The following DLGAP1 variants were observed in gnomAD, a reference collection of about 807,000 sequenced individuals.
The protein encoded by DLGAP1 is disks large-associated protein 1.
In DLGAP1, 11 loss-of-function variants were observed where a neutral mutation model predicts 90.8. The observed-to-expected ratio is 0.12, with a 90% confidence interval of 0.08 to 0.20. DLGAP1 has a LOEUF of 0.20. DLGAP1 is among the 10% of genes least tolerant of loss of function. The pLI, the probability that DLGAP1 is intolerant of heterozygous loss-of-function variation, is 1.00. For synonymous variants in DLGAP1, 558 were observed against 540.7 expected (o/e 1.03, Z -0.44); for missense variants, 1,050 against 1,333.8 (o/e 0.79, Z 3.31).
At chr18:3,991,463 G>A (rs2073966486) in intron 3 of DLGAP1, among the ~76,000 whole-genome samples, 1 of 152,224 alleles carries the variant, frequency 6.6e-6, no homozygotes, top group Admixed American at 6.5e-5. Context: ...ATTGGCCAGT[G>A]GCAGTGGTGG....
At chr18:4,034,212 T>C (rs910010958) in intron 2 of DLGAP1, among the ~76,000 whole-genome samples, 1 of 151,902 alleles carries the variant, frequency 6.6e-6, no homozygotes, top group African/African-American at 2.4e-5. Context: ...TGGCTAATTT[T>C]TGTATTTTTA....
At chr18:4,274,847 A>G (rs1211424792) in intron 1 of DLGAP1, among the ~76,000 whole-genome samples, 1 of 152,230 alleles carries the variant, frequency 6.6e-6, no homozygotes, top group Non-Finnish European at 1.5e-5. Context: ...GACTGGACTT[A>G]TTATAGAGTA....
intron 5 of DLGAP1, among the ~76,000 whole-genome samples, chr18:3,754,852 T>G (rs980387327): frequency 6.6e-6 from 1 of 151,904 alleles, no homozygotes; most frequent in Admixed American, 6.6e-5. Context: ...GCAGAGATCG[T>G]GCCACTACAT....
chr18:4,321,707 T>C (rs1450112161), intron 1 of DLGAP1, among the ~76,000 whole-genome samples: 1 of 152,216 alleles, frequency 6.6e-6, no homozygotes, highest in Non-Finnish European at 1.5e-5. Context: ...ACTTTAGAAA[T>C]GGCTACAAGA....
chr18:3,827,952 A>G (rs989567741), intron 4 of DLGAP1, among the ~76,000 whole-genome samples: 11 of 152,228 alleles, frequency 7.2e-5, no homozygotes, highest in Non-Finnish European at 1.2e-4. Context: ...AGTACCTTCT[A>G]TAAAGCAAGT....
rs1434259210 is a variant in DLGAP1, at chr18:4,011,313, A to AG, written c.-158-6113dup. On this transcript the variant is annotated intron_variant, in intron 2 of 12. Coordinates refer to ENST00000315677, the MANE Select transcript of DLGAP1 (RefSeq NM_004746.4). Reference sequence around the variant, plus strand: ...GAGGGCGTGGGAGAGAAAAGGCTCAAGGGGGGTGCAGCCAGGCTTTTCTGA... The same window carrying AG: ...GAGGGCGTGGGAGAGAAAAGGCTCAAGGGGGGGTGCAGCCAGGCTTTTCTGA... Among the ~76,000 whole-genome samples the AG allele has an allele frequency of 3.9e-5, 6 of 152,118 alleles. No homozygotes were observed. The East Asian group carries it at 5.8e-4, about 15-fold the overall frequency.
rs545422252 is a variant in DLGAP1 at position 3,504,680 on chromosome 18, G to A, written c.2572-2035C>T. ...TTACAGGTACAAGCCACTTCGCCCC[G>A]CCAGTGTTTTCTTGAATGTATTTAA... On this transcript the variant is annotated intron_variant, in intron 11 of 12. Transcript: ENST00000315677. Among the ~76,000 whole-genome samples, 9 of 152,262 alleles carry A rather than the reference G, an allele frequency of 5.9e-5. No homozygotes were observed. The South Asian group carries it at 1.2e-3, about 21-fold the overall frequency.
intron 1 of DLGAP1, among the ~76,000 whole-genome samples, chr18:4,165,348 G>A (rs58207203): frequency 0.18 from 27,604 of 152,060 alleles, 3,147 homozygotes; most frequent in East Asian, 0.51. Flanking sequence ...AAACAAAAAT[G>A]TTGTCAACAG....
chr18:3,703,897 A>G (rs1389605327), intron 7 of DLGAP1, among the ~76,000 whole-genome samples: 1 of 152,130 alleles, frequency 6.6e-6, no homozygotes, highest in Non-Finnish European at 1.5e-5. Context: ...ACCCTACATG[A>G]TACAAATTCC....
chr18:4,397,915 G>A (rs575914061), intron 1 of DLGAP1, among the ~76,000 whole-genome samples: 9 of 152,182 alleles, frequency 5.9e-5, no homozygotes, highest in Admixed American at 2.0e-4. Flanking sequence ...GTTTTTTATA[G>A]ATGATTCATC....
intron 5 of DLGAP1, among the ~76,000 whole-genome samples, chr18:3,753,875 G>A (rs1212997224): frequency 6.6e-6 from 1 of 152,230 alleles, no homozygotes; most frequent in Non-Finnish European, 1.5e-5. Flanking sequence ...AAATACTGTT[G>A]TCCTTGGGAA....
intron 1 of DLGAP1, among the ~76,000 whole-genome samples, chr18:4,194,607 G>T (rs911078799): frequency 6.6e-6 from 1 of 151,632 alleles, no homozygotes; most frequent in African/African-American, 2.4e-5. Context: ...ATATTTCCTA[G>T]ACTTATAAAT....
At chr18:3,741,020 C>CCACCACCACCT (rs2062910554) in intron 6 of DLGAP1, among the ~76,000 whole-genome samples, 1 of 74,984 alleles carries the variant, frequency 1.3e-5, no homozygotes, top group Non-Finnish European at 2.8e-5. Context: ...ACCACCATCA[C>CCACCACCACCT]CACCACCACC....
At chr18:4,318,268 C>G (rs1188802329) in intron 1 of DLGAP1, among the ~76,000 whole-genome samples, 2 of 152,212 alleles carry the variant, frequency 1.3e-5, no homozygotes, top group Non-Finnish European at 2.9e-5. Context: ...TCCTCTGTGG[C>G]TTCACCATTC....
In DLGAP1 at chr18:4,032,828, T is replaced by C. The variant is rs563367283; in HGVS notation, c.-158-27627A>G. Reference sequence around the variant, plus strand: ...TTGTTCTCAATAGAGTGCAAACCTCTCTGTCTCTGTCTCTCCGTCTCTGTA... The same window carrying C: ...TTGTTCTCAATAGAGTGCAAACCTCCCTGTCTCTGTCTCTCCGTCTCTGTA... On this transcript the variant is annotated intron_variant, in intron 2 of 12. Transcript: ENST00000315677. Among the ~76,000 whole-genome samples, 27 of 152,328 alleles carry C rather than the reference T, an allele frequency of 1.8e-4. 1 individual carries two copies. The South Asian group carries it at 5.6e-3, about 32-fold the overall frequency.
chr18:4,294,719 T>A (rs943448428), intron 1 of DLGAP1: 1 of 152,300 alleles, frequency 6.6e-6, no homozygotes, highest in Admixed American at 6.5e-5. Flanking sequence ...ATGTGACAGC[T>A]TTCTGTATTC....
chr18:4,130,769 AAGGG>A (rs1442028917), intron 2 of DLGAP1, among the ~76,000 whole-genome samples: 1 of 152,152 alleles, frequency 6.6e-6, no homozygotes, highest in African/African-American at 2.4e-5. Flanking sequence ...CGTTACAGGT[AAGGG>A]AAGGCTGTTC....
intron 7 of DLGAP1, among the ~76,000 whole-genome samples, chr18:3,587,902 A>G (rs2055987068): frequency 6.6e-6 from 1 of 152,264 alleles, no homozygotes; most frequent in Non-Finnish European, 1.5e-5. Context: ...GACGTTCTCA[A>G]AAACAATGAT....
intron 4 of DLGAP1, among the ~76,000 whole-genome samples, chr18:3,857,712 G>C (rs2069738397): frequency 6.6e-6 from 1 of 152,078 alleles, no homozygotes; most frequent in Admixed American, 6.5e-5. Flanking sequence ...CAGGAAGTTG[G>C]CTTGTGATGT....
Sources: gnomAD v4.1 joint callset for allele counts (sites outside exome capture counted in the v4.1 genomes callset) on GRCh38, gnomAD v4.1.1 for gene constraint, MANE v1.5 for transcripts, NCBI Gene and HGNC (gene_info 2026-07-23, HGNC 2026-07-21) for gene names.